Variants in AFMID observed in about 807,000 individuals in gnomAD.
AFMID encodes the protein kynurenine formamidase.
A neutral mutation model predicts 47.5 loss-of-function variants in AFMID; 39 were observed. That is an observed-to-expected ratio of 0.82 (90% confidence interval 0.64 to 1.07). AFMID has a LOEUF of 1.07. Among genes scored for constraint, AFMID ranks in the 50% least tolerant of loss-of-function variants. The probability of loss-of-function intolerance (pLI) is 0.00; values close to 1 mark genes in which losing one functional copy is unlikely to be tolerated. For missense variants in AFMID, 375 were observed against 387.5 expected (o/e 0.97, Z 0.27); for synonymous variants, 130 against 153.2 (o/e 0.85, Z 1.12).
At chr17:78,204,786 G>A in intron 5 of AFMID, 42 bp from the exon 6 acceptor site, 1 of 1,614,180 alleles carries the variant, frequency 6.2e-7, no homozygotes, top group Non-Finnish European at 8.5e-7. Context: ...GTGGGCTTTA[G>A]GAGGAAGTGC....
Position 78,205,592 on chromosome 17 carries a change from C to T in AFMID, c.645-11C>T. 1 of 1,613,888 alleles carries T rather than the reference C, an allele frequency of 6.2e-7. No individual in the cohort carries two copies. The highest frequency in any genetic ancestry group is 1.3e-5 in the African/African-American group (1 of 75,024). On this transcript the variant is annotated splice_polypyrimidine_tract_variant and intron_variant, in intron 8 of 10. Transcript: ENST00000409257. ...CTCTCTGTCCTGACCCCTGTCCACT[C>T]CCCACCCCAGGGAGGACGCTCAGAG...
At chr17:78,193,372 A>C (rs2076025480) in intron 2 of AFMID, among the ~76,000 whole-genome samples, 1 of 43,438 alleles carries the variant, frequency 2.3e-5, no homozygotes, top group African/African-American at 1.5e-4. Context: ...CTCTGTCTCA[A>C]AAAAAAAAAA....
chr17:78,206,155 G>A, intron 10 of AFMID, 105 bp downstream of exon 10: 1 of 894,818 alleles, frequency 1.1e-6, no homozygotes, highest in Non-Finnish European at 1.8e-6. Context: ...GGCCAACATG[G>A]AGAAACTCCG....
Position 78,187,399 on chromosome 17 carries a change from C to T in AFMID, c.29C>T (p.Pro10Leu), listed in dbSNP as rs764895979. ...ATGGATGTGTCTGGTGTGGGTTTCC[C>T]AAGCAAGGTTCCTTGGAAGAAGATG... MMDVSGVGF[P>L]SKVPWKKMSA... The change falls in exon 1 of 11, where the codon CCA (proline) becomes CTA (leucine). Residue 10 changes from proline to leucine, a missense_variant. Transcript: ENST00000409257. 2 of 1,613,914 alleles carry T rather than the reference C, an allele frequency of 1.2e-6. No homozygotes were observed. The highest frequency in any genetic ancestry group is 1.7e-6 in the Non-Finnish European group (2 of 1,179,962).
At chr17:78,193,704 G>A (rs113659262) in intron 2 of AFMID, among the ~76,000 whole-genome samples, 84 of 152,130 alleles carry the variant, frequency 5.5e-4, no homozygotes, top group African/African-American at 2.0e-3. Context: ...AAGGCCAGGC[G>A]TGGCAGCTCA....
At chr17:78,206,770 G>T in intron 10 of AFMID, 141 bp from the exon 11 acceptor site, 1 of 726,976 alleles carries the variant, frequency 1.4e-6, no homozygotes, top group South Asian at 1.4e-5. Flanking sequence ...GAGTTCAAGT[G>T]ATCTTCCCAC....
chr17:78,194,260 G>A (rs1167163611), intron 2 of AFMID, among the ~76,000 whole-genome samples: 1 of 151,970 alleles, frequency 6.6e-6, no homozygotes, highest in Non-Finnish European at 1.5e-5. Flanking sequence ...CGAGTAGCTG[G>A]AATTTACAGG....
chr17:78,192,636 G>C (rs866761397), intron 2 of AFMID: 3 of 470,940 alleles, frequency 6.4e-6, no homozygotes, highest in Middle Eastern at 6.5e-4. Flanking sequence ...TTTCTTTAAA[G>C]AAATCTGGAC....
chr17:78,202,022 A>C (rs4340385), intron 2 of AFMID, among the ~76,000 whole-genome samples: 1 of 151,278 alleles, frequency 6.6e-6, no homozygotes, highest in Non-Finnish European at 1.5e-5. Flanking sequence ...GAGCCACTGC[A>C]CCCAGCCTGG....
chr17:78,193,327 C>T lies in AFMID; in HGVS notation c.154+2267C>T, dbSNP rs555061567. On this transcript the variant is annotated intron_variant, in intron 2 of 10. Coordinates refer to ENST00000409257, the MANE Select transcript of AFMID (RefSeq NM_001010982.5). Reference sequence around the variant, plus strand: ...TGGAGCTTGCAGTGAGCCGGGATCGCGCCACTGCACTCCAGCCTGGGCGAC... The same window carrying T: ...TGGAGCTTGCAGTGAGCCGGGATCGTGCCACTGCACTCCAGCCTGGGCGAC... Among the ~76,000 whole-genome samples the T allele has an allele frequency of 7.1e-3, 994 of 140,710 alleles. 6 individuals carry two copies. Among genetic ancestry groups the T allele is most frequent in the Admixed American group, 0.019 (246 of 13,108 alleles). The allele number at this position is 140,710 out of a possible 152,430, so 92.3% of individuals were successfully genotyped here.
Position 78,207,270 on chromosome 17 carries a change from C to CTT in AFMID, c.*334_*335dup. The CTT allele has an allele frequency of 4.1e-5, 6 of 145,780 alleles. No homozygotes were observed. The highest frequency in any genetic ancestry group is 3.8e-5 in the Non-Finnish European group (3 of 79,262). The allele number at this position is 145,780 out of a possible 1,614,324, so 9.0% of individuals were successfully genotyped here. On this transcript the variant is annotated 3_prime_UTR_variant, in exon 11 of 11. Transcript: ENST00000409257. ...ATGACGCTCAAAAGTAATGCCATTA[C>CTT]TTCTTTTTTTTTTTTTTTTTTTTTT...
chr17:78,187,383 T>C lies in AFMID; in HGVS notation c.13T>C (p.Ser5Pro). The C allele has an allele frequency of 1.2e-6, 2 of 1,613,804 alleles. No individual in the cohort carries two copies. The highest frequency in any genetic ancestry group is 1.7e-5 in the Admixed American group (1 of 60,018). ...GGCTGTAGACGCCATGATGGATGTG[T>C]CTGGTGTGGGTTTCCCAAGCAAGGT... MMDV[S>P]GVGFPSKVPW... The change falls in exon 1 of 11, where the codon TCT becomes CCT. Residue 5 changes from serine to proline, a missense_variant. Physicochemically the swap from Ser to Pro is moderately conservative, Grantham distance 74. Coordinates refer to ENST00000409257, the MANE Select transcript of AFMID (RefSeq NM_001010982.5).
chr17:78,194,704 T>C, intron 2 of AFMID, among the ~76,000 whole-genome samples: 1 of 152,328 alleles, frequency 6.6e-6, no homozygotes, highest in African/African-American at 2.4e-5. Flanking sequence ...AATACTTTTT[T>C]TTTTTTAAGA....
In AFMID at chr17:78,205,105, G is replaced by C. The variant is rs576989883; in HGVS notation, c.480G>C (p.Leu160=). The C allele has an allele frequency of 6.2e-7, 1 of 1,611,468 alleles. No homozygotes were observed. The highest frequency in any genetic ancestry group is 1.3e-5 in the African/African-American group (1 of 75,038). ...KRYPSNKGIY[L]CGHSAGAHLA... is the part of the protein sequence containing the mutation. ...TGACCCCTCCCAGGGGAATTTACCT[G>C]TGTGGACACTCAGCCGGGGCCCACC... is the stretch of plus-strand genomic sequence containing the variant. The change falls in exon 7 of 11, where the codon CTG becomes CTC. Residue 160 remains leucine, a synonymous_variant. Transcript: ENST00000409257.
intron 1 of AFMID, among the ~76,000 whole-genome samples, chr17:78,188,845 C>T (rs919518744): frequency 4.6e-5 from 7 of 152,162 alleles, no homozygotes; most frequent in African/African-American, 1.7e-4. Context: ...GATCCGCCCC[C>T]CTTGGCCTCC....
chr17:78,190,908 G>T, intron 1 of AFMID, 62 bp from the exon 2 acceptor site: 5 of 1,496,696 alleles, frequency 3.3e-6, no homozygotes, highest in African/African-American at 1.4e-5. Context: ...CATGGGCGAG[G>T]GGGAGGGGCA....
At chr17:78,199,978 C>T (rs11654134) in intron 2 of AFMID, among the ~76,000 whole-genome samples, 1 of 150,882 alleles carries the variant, frequency 6.6e-6, no homozygotes, top group Non-Finnish European at 1.5e-5. Flanking sequence ...AGCTAGAATT[C>T]TGAAAACTGT....
chr17:78,192,579 G>A (rs1415948638), intron 2 of AFMID: 2 of 468,962 alleles, frequency 4.3e-6, no homozygotes, highest in Non-Finnish European at 8.8e-6. Flanking sequence ...CTCCCAAAGT[G>A]CTGGGATTAC....
At chr17:78,198,388 C>T (rs915995663) in intron 2 of AFMID, among the ~76,000 whole-genome samples, 4 of 151,262 alleles carry the variant, frequency 2.6e-5, no homozygotes, top group Non-Finnish European at 4.4e-5. Context: ...CACTCAAGGT[C>T]AGGAGTTCGA....
Sources: gnomAD v4.1 joint callset for allele counts (sites outside exome capture counted in the v4.1 genomes callset) on GRCh38, gnomAD v4.1.1 for gene constraint, MANE v1.5 for transcripts, NCBI Gene and HGNC (gene_info 2026-07-23, HGNC 2026-07-21) for gene names.